TRIM33: variants seen among roughly 807,000 people sequenced by gnomAD.
TRIM33 encodes E3 ubiquitin-protein ligase TRIM33.
TRIM33 carries 20 observed loss-of-function variants against 125.4 expected under a neutral mutation model. That is an observed-to-expected ratio of 0.16 (90% CI 0.11 to 0.23). TRIM33 has a LOEUF of 0.23. Among genes scored for constraint, TRIM33 ranks in the 10% least tolerant of loss-of-function variants. The pLI, the probability that TRIM33 is intolerant of heterozygous loss-of-function variation, is 1.00. For missense variants in TRIM33, 920 were observed against 1,411.4 expected (o/e 0.65, Z 5.58); for synonymous variants, 564 against 513.9 (o/e 1.10, Z -1.32).
intron 1 of TRIM33, among the ~76,000 whole-genome samples, chr1:114,474,148 G>A (rs572880466): frequency 1.3e-4 from 20 of 152,086 alleles, no homozygotes; most frequent in Non-Finnish European, 2.2e-4. Flanking sequence ...CAATCCTCCC[G>A]CTTCAACCTC....
rs757208435 is a variant in TRIM33, at chr1:114,401,836, G to C, written c.2893-373C>G. On this transcript the variant is annotated intron_variant, in intron 16 of 19. Coordinates refer to ENST00000358465, the MANE Select transcript of TRIM33 (RefSeq NM_015906.4). Reference sequence around the variant, plus strand: ...TCCTTAGACAGGCAAGACAAATGTTGAAAGTTATCATCCCCTTTCTTCAAA... The same window carrying C: ...TCCTTAGACAGGCAAGACAAATGTTCAAAGTTATCATCCCCTTTCTTCAAA... 1.1e-3 allele frequency among the ~76,000 whole-genome samples: 161 copies of C among 152,216 alleles called. 1 individual carries two copies. Among genetic ancestry groups the C allele is most frequent in the Non-Finnish European group, 3.8e-4 (26 of 68,004 alleles).
Position 114,425,457 on chromosome 1 carries a change from G to T in TRIM33, c.1687C>A (p.Gln563Lys). ...HPRQAAPQML[Q>K]QQPPRLISVQ... ...AGTAACACGATACTTACCTGTTGTT[G>T]TAACATCTGAGGGGCTGCTTGTCTA... The change falls in exon 9 of 20, where the codon CAA (glutamine) becomes AAA (lysine). Residue 563 changes from glutamine (Q) to lysine (K), a missense_variant. By Grantham distance (53) the Gln-to-Lys change is moderately conservative. This residue lies in a region of TRIM33 where 407 missense variants were observed against 589.7 expected (regional missense o/e 0.69). Transcript: ENST00000358465. The T allele has an allele frequency of 6.2e-7, 1 of 1,613,870 alleles. No individual in the cohort carries two copies. Among genetic ancestry groups the T allele is most frequent in the Non-Finnish European group, 8.5e-7 (1 of 1,179,866 alleles).
At chr1:114,474,968 G>C (rs1000317939) in intron 1 of TRIM33, among the ~76,000 whole-genome samples, 1 of 150,660 alleles carries the variant, frequency 6.6e-6, no homozygotes, top group African/African-American at 2.4e-5. Flanking sequence ...ATAATCATTA[G>C]AGACAAGAGC....
At chr1:114,433,162 C>A (rs905944893) in intron 5 of TRIM33, among the ~76,000 whole-genome samples, 1 of 152,184 alleles carries the variant, frequency 6.6e-6, no homozygotes, top group Non-Finnish European at 1.5e-5. Context: ...CAGCTAAAAT[C>A]TAACTGCTTA....
chr1:114,469,597 C>G (rs568180594), intron 1 of TRIM33, among the ~76,000 whole-genome samples: 1 of 151,960 alleles, frequency 6.6e-6, no homozygotes, highest in Non-Finnish European at 1.5e-5. Flanking sequence ...AAAATAGAGA[C>G]CTAGAAAGCA....
At chr1:114,440,557 T>C (rs934317969) in intron 4 of TRIM33, among the ~76,000 whole-genome samples, 3 of 152,174 alleles carry the variant, frequency 2.0e-5, no homozygotes, top group African/African-American at 4.8e-5. Flanking sequence ...TTTAAAATTT[T>C]AGATGAAGTA....
At chr1:114,462,843 T>C (rs1166699922) in intron 4 of TRIM33, among the ~76,000 whole-genome samples, 1 of 151,798 alleles carries the variant, frequency 6.6e-6, no homozygotes, top group Non-Finnish European at 1.5e-5. Context: ...AGCAAACAAA[T>C]GCATAATATA....
At chr1:114,414,830 CG>C (rs1652826508) in intron 11 of TRIM33, among the ~76,000 whole-genome samples, 1 of 151,908 alleles carries the variant, frequency 6.6e-6, no homozygotes, top group Non-Finnish European at 1.5e-5. Context: ...AATACAAAAG[CG>C]TAATAGTGGT....
At position 114,407,040 on chromosome 1, in the gene TRIM33, C is replaced by T. The variant is rs140771429; in HGVS notation, c.2319G>A (p.Val773=). The T allele has an allele frequency of 1.9e-6, 3 of 1,613,862 alleles. No homozygotes were observed. Among genetic ancestry groups the T allele is most frequent in the African/African-American group, 2.7e-5 (2 of 74,910 alleles). The part of the protein sequence containing the change: ...KTSLSFKSDQ[V]KVKQEPGTED... ...CAGTCCCAGGTTCTTGCTTGACCTTCACCTGATCAGATTTGAAACTAAGAC... is the reference window on the plus strand; with the variant it reads ...CAGTCCCAGGTTCTTGCTTGACCTTTACCTGATCAGATTTGAAACTAAGAC... Residue 773 remains valine (V), a synonymous_variant, in exon 14 of 20, where the codon GTG becomes GTA. Transcript: ENST00000358465.
At chr1:114,412,115 C>T (rs1652631026) in intron 11 of TRIM33, among the ~76,000 whole-genome samples, 1 of 152,116 alleles carries the variant, frequency 6.6e-6, no homozygotes, top group Non-Finnish European at 1.5e-5. Flanking sequence ...TAATCCATCA[C>T]TGGAAAAGAT....
intron 11 of TRIM33, among the ~76,000 whole-genome samples, chr1:114,412,772 T>C (rs923603096): frequency 6.6e-5 from 10 of 152,218 alleles, no homozygotes; most frequent in Non-Finnish European, 7.3e-5. Context: ...ATATTTGGGT[T>C]GTTTCCAGTT....
intron 14 of TRIM33, among the ~76,000 whole-genome samples, 175 bp from the exon 15 acceptor site, chr1:114,405,934 G>A (rs1441790993): frequency 2.0e-5 from 3 of 152,092 alleles, no homozygotes; most frequent in Non-Finnish European, 4.4e-5. Flanking sequence ...ATTCAGGCAC[G>A]CTAACATATG....
chr1:114,419,313 C>A (rs747090921), intron 11 of TRIM33, among the ~76,000 whole-genome samples: 1 of 151,918 alleles, frequency 6.6e-6, no homozygotes, highest in South Asian at 2.1e-4. Flanking sequence ...CCACCTCCTG[C>A]GTGGCGTGAG....
chr1:114,397,774 G>A lies in TRIM33; in HGVS notation c.3258C>T (p.Phe1086=), dbSNP rs188462748. 7 of 1,613,790 alleles carry A rather than the reference G, an allele frequency of 4.3e-6. No homozygotes were observed. Among genetic ancestry groups the A allele is most frequent in the African/African-American group, 2.7e-5 (2 of 74,942 alleles). Residue 1086 remains phenylalanine (F), a synonymous_variant, in exon 20 of 20, where the codon TTC becomes TTT. Transcript: ENST00000358465. ...KLTEIYSDRT[F]APLPEFEQEE... is the part of the protein sequence containing the mutation. ...CCTGCTCAAACTCTGGCAAAGGTGC[G>A]AAGGTCCTGTCTGAGTAGATCTCTG...
At chr1:114,418,281 A>T (rs1401023306) in intron 11 of TRIM33, among the ~76,000 whole-genome samples, 1 of 152,206 alleles carries the variant, frequency 6.6e-6, no homozygotes, top group Non-Finnish European at 1.5e-5. Context: ...ACTTCCTAAC[A>T]GGTCCTTCCC....
intron 1 of TRIM33, among the ~76,000 whole-genome samples, chr1:114,476,036 G>A (rs1275907563): frequency 1.3e-5 from 2 of 151,694 alleles, no homozygotes; most frequent in African/African-American, 4.8e-5. Flanking sequence ...AAATAAAGGA[G>A]ATCATGAAAA....
intron 1 of TRIM33, among the ~76,000 whole-genome samples, chr1:114,475,409 C>T (rs138376821): frequency 5.9e-5 from 9 of 152,234 alleles, no homozygotes; most frequent in East Asian, 1.9e-4. Context: ...AGGCTAGGCG[C>T]GGTGGCCCAT....
chr1:114,468,460 C>G (rs1197374592), intron 1 of TRIM33: 3 of 352,318 alleles, frequency 8.5e-6, no homozygotes, highest in Admixed American at 4.3e-5. Flanking sequence ...CCAGAGCCAA[C>G]TGGGGACAAA....
At chr1:114,464,010 C>A (rs998563314) in intron 2 of TRIM33, among the ~76,000 whole-genome samples, 4 of 152,218 alleles carry the variant, frequency 2.6e-5, no homozygotes, top group Non-Finnish European at 5.9e-5. Flanking sequence ...CTCAAGCAAT[C>A]CTCACACCTC....
Sources: allele counts gnomAD v4.1 joint callset (sites outside exome capture counted in the v4.1 genomes callset), GRCh38; gene constraint gnomAD v4.1.1; regional missense constraint gnomAD v4.1.1; transcripts MANE v1.5; gene names NCBI Gene and HGNC (gene_info 2026-07-23, HGNC 2026-07-21).